The following GYG2 variants were observed in gnomAD, a reference collection of about 807,000 sequenced individuals.
The protein encoded by GYG2 is glycogenin 2.
GYG2 carries 29 observed loss-of-function variants against 29.4 expected under a neutral mutation model. The observed-to-expected ratio is 0.99, with a 90% CI of 0.74 to 1.35. The LOEUF (loss-of-function observed/expected upper bound fraction) is 1.35. GYG2 is among the 40% of genes most tolerant of loss of function. The pLI is 0.00. For missense variants in GYG2, 370 were observed against 385.7 expected (o/e 0.96, Z 0.34); for synonymous variants, 167 against 172.3 (o/e 0.97, Z 0.24).
intron 2 of GYG2, among the ~76,000 whole-genome samples, chrX:2,842,345 C>T (rs968364911): frequency 9.4e-5 from 10 of 106,192 alleles, no homozygotes; most frequent in African/African-American, 3.3e-4. Flanking sequence ...CGGGCATGCA[C>T]CACCTCGCCT....
intron 8 of GYG2, among the ~76,000 whole-genome samples, chrX:2,866,836 TTAA>T (rs1477471815): frequency 1.6e-4 from 17 of 108,458 alleles, no homozygotes; most frequent in African/African-American, 4.4e-4. Flanking sequence ...TTTTTTTTTT[TTAA>T]AAAAAAGTAT....
intron 10 of GYG2, among the ~76,000 whole-genome samples, chrX:2,878,776 A>T (rs993131954): frequency 8.9e-6 from 1 of 112,270 alleles, no homozygotes; most frequent in African/African-American, 3.2e-5. Flanking sequence ...CCTCTAGGGG[A>T]ACTTTATTTA....
chrX:2,875,452 A>G lies in GYG2; in HGVS notation c.1039-358A>G, dbSNP rs1603460397. Among the ~76,000 whole-genome samples, 4 of 110,323 alleles carry G rather than the reference A, an allele frequency of 3.6e-5. No homozygotes were observed. The Middle Eastern group carries it at 0.018, about 506-fold the overall frequency. On this transcript the variant is annotated intron_variant, in intron 8 of 10. Coordinates refer to ENST00000398806, the MANE Select transcript of GYG2 (RefSeq NM_001079855.2). ...TCTTGTTTTTCACCTGGCTGGTGGT[A>G]GAAGAGAGGATAGGAATATCTTATT...
At chrX:2,863,228 C>T (rs1473951098) in intron 8 of GYG2, among the ~76,000 whole-genome samples, 2 of 109,605 alleles carry the variant, frequency 1.8e-5, no homozygotes, top group African/African-American at 6.6e-5. Context: ...GTGCCCGCCA[C>T]CGCGCCCGGC....
chrX:2,850,717 C>T (rs889922834), intron 3 of GYG2, among the ~76,000 whole-genome samples: 1 of 111,152 alleles, frequency 9.0e-6, no homozygotes, highest in Non-Finnish European at 1.9e-5. Context: ...CAAAAGCTCC[C>T]CTACTGAGCA....
At position 2,853,995 on chromosome X, in the gene GYG2, G is replaced by C; in HGVS notation, c.165G>C (p.Lys55Asn). 8.3e-7 allele frequency: 1 copy of C among 1,201,428 alleles called. No individual in the cohort carries two copies. The highest frequency in any genetic ancestry group is 1.1e-6 in the Non-Finnish European group (1 of 886,382). Reference sequence around the variant, plus strand: ...TCTGTTCCAGGGTCATCCTCTCGAAGGTGTTCGATGAAGTCATTGAAGTGA... The same window carrying C: ...TCTGTTCCAGGGTCATCCTCTCGAACGTGTTCGATGAAGTCATTGAAGTGA... ...VSSLLRVILS[K>N]VFDEVIEVNL... The change falls in exon 4 of 11, where the codon AAG (lysine) becomes AAC (asparagine). Residue 55 changes from lysine to asparagine, a missense_variant. Physicochemically the swap from Lys to Asn is moderately conservative, Grantham distance 94 (BLOSUM62 0). Transcript: ENST00000398806.
chrX:2,848,171 T>C (rs984552758), intron 3 of GYG2, among the ~76,000 whole-genome samples: 1 of 111,915 alleles, frequency 8.9e-6, no homozygotes, highest in Non-Finnish European at 1.9e-5. Context: ...GAAAACACTT[T>C]AGGGGTTTGC....
chrX:2,868,328 T>G (rs1401777571), intron 8 of GYG2, among the ~76,000 whole-genome samples: 1 of 107,687 alleles, frequency 9.3e-6, no homozygotes, highest in Non-Finnish European at 1.9e-5. Flanking sequence ...GCCAACACGG[T>G]GAAACCCTGT....
At chrX:2,878,037 A>G in intron 10 of GYG2, 1 of 747,722 alleles carries the variant, frequency 1.3e-6, no homozygotes, top group South Asian at 6.8e-5. Flanking sequence ...TACTGTTCAA[A>G]TGCAGCATTT....
intron 8 of GYG2, among the ~76,000 whole-genome samples, chrX:2,863,046 C>T (rs973506673): frequency 3.5e-4 from 36 of 104,244 alleles, no homozygotes; most frequent in African/African-American, 1.1e-3. Flanking sequence ...GGTGACAGAG[C>T]GAGACACTGT....
intron 3 of GYG2, chrX:2,852,858 T>C (rs1234666245): frequency 8.9e-6 from 1 of 112,213 alleles, no homozygotes; most frequent in Non-Finnish European, 1.9e-5. Context: ...TATGCAATTA[T>C]ATATCGCTTC....
chrX:2,849,768 C>T (rs777626622), intron 3 of GYG2, among the ~76,000 whole-genome samples: 14 of 111,738 alleles, frequency 1.3e-4, no homozygotes, highest in Admixed American at 1.2e-3. Context: ...CCTCAAAGAT[C>T]TTTGAGGAAA....
chrX:2,873,276 CTTAATT>C (rs754522950), intron 8 of GYG2, among the ~76,000 whole-genome samples: 1 of 112,083 alleles, frequency 8.9e-6, no homozygotes, highest in Admixed American at 9.5e-5. Context: ...ATTCTTAGAA[CTTAATT>C]TTATATTTGG....
intron 8 of GYG2, among the ~76,000 whole-genome samples, chrX:2,869,200 G>C (rs906093958): frequency 2.7e-5 from 3 of 112,042 alleles, no homozygotes; most frequent in African/African-American, 9.7e-5. Flanking sequence ...TAAACAATAC[G>C]ACATAGCAGG....
At chrX:2,833,923 C>T (rs981035768) in intron 2 of GYG2, among the ~76,000 whole-genome samples, 8 of 112,424 alleles carry the variant, frequency 7.1e-5, no homozygotes, top group African/African-American at 2.6e-4. Context: ...GCCAGAGGGC[C>T]CTCCCTGGCA....
Position 2,855,002 on chromosome X carries a change from A to C in GYG2, c.334A>C (p.Asn112His), listed in dbSNP as rs1365790942. Residue 112 changes from asparagine (N) to histidine (H), a missense_variant, in exon 5 of 11, where the codon AAT becomes CAT. Asn to His is a moderately conservative substitution (Grantham distance 68). Coordinates refer to ENST00000398806, the MANE Select transcript of GYG2 (RefSeq NM_001079855.2). ...FLDADTLVLS[N>H]VDELFDRGEF... is the part of the protein sequence containing the mutation. ...TGTTTTGCTTCACCAGGTGCTGTCC[A>C]ATGTCGATGAGCTGTTTGACAGGGG... The C allele has an allele frequency of 1.6e-5, 19 of 1,209,299 alleles. No homozygotes were observed. The highest frequency in any genetic ancestry group is 1.9e-5 in the Non-Finnish European group (17 of 894,709).
intron 8 of GYG2, among the ~76,000 whole-genome samples, chrX:2,864,185 G>A (rs910807560): frequency 1.2e-4 from 13 of 112,108 alleles, no homozygotes; most frequent in African/African-American, 4.2e-4. Context: ...CCAAGGTTAA[G>A]GACACACCCG....
intron 3 of GYG2, among the ~76,000 whole-genome samples, chrX:2,850,823 A>G (rs9320051): frequency 0.16 from 17,572 of 109,044 alleles, 1,092 homozygotes; most frequent in East Asian, 0.24. Flanking sequence ...CCCCACCCCT[A>G]TCTCCCTTCG....
chrX:2,831,255 A>G (rs917130683), intron 2 of GYG2, among the ~76,000 whole-genome samples: 5 of 112,474 alleles, frequency 4.4e-5, no homozygotes, highest in Non-Finnish European at 9.4e-5. Flanking sequence ...TTGTAGAGAC[A>G]GGGTCTTGCT....
Sources: allele counts gnomAD v4.1 joint callset (sites outside exome capture counted in the v4.1 genomes callset), GRCh38; gene constraint gnomAD v4.1.1; transcripts MANE v1.5; gene names NCBI Gene and HGNC (gene_info 2026-07-23, HGNC 2026-07-21).